CDK13: variants seen among roughly 807,000 people sequenced by gnomAD.
CDK13 encodes cyclin-dependent kinase 13.
A neutral mutation model predicts 137.6 loss-of-function variants in CDK13; 40 were observed. The ratio of observed to expected loss-of-function variants is 0.29; its 90% CI spans 0.23 to 0.38. CDK13 has a LOEUF of 0.38. Ranked by LOEUF, CDK13 falls within the 10% of genes least tolerant of loss-of-function variation. The pLI, the probability that CDK13 is intolerant of heterozygous loss-of-function variation, is 1.00. For missense variants in CDK13, 1,704 were observed against 1,951.8 expected (o/e 0.87, Z 2.39); for synonymous variants, 869 against 760.1 (o/e 1.14, Z -2.36).
intron 1 of CDK13, among the ~76,000 whole-genome samples, chr7:39,978,568 A>G (rs1157918192): frequency 6.6e-6 from 1 of 152,226 alleles, no homozygotes; most frequent in Non-Finnish European, 1.5e-5. Context: ...AGATTTGAGT[A>G]ATTTATTCCT....
At chr7:39,962,135 C>T (rs930890582) in intron 1 of CDK13, among the ~76,000 whole-genome samples, 2 of 152,190 alleles carry the variant, frequency 1.3e-5, no homozygotes, top group Non-Finnish European at 2.9e-5. Context: ...GATTTATAAT[C>T]CTTTGGGTAC....
chr7:40,031,397 C>T (rs1052633424), intron 5 of CDK13, among the ~76,000 whole-genome samples: 21 of 152,020 alleles, frequency 1.4e-4, no homozygotes, highest in Admixed American at 6.6e-5. Flanking sequence ...TGGCACGTGC[C>T]TGCAGACCCC....
intron 2 of CDK13, among the ~76,000 whole-genome samples, chr7:39,994,504 A>C (rs1469284844): frequency 6.6e-6 from 1 of 152,116 alleles, no homozygotes; most frequent in Non-Finnish European, 1.5e-5. Flanking sequence ...TGGCTCCCAA[A>C]CTCAAATTTC....
intron 1 of CDK13, among the ~76,000 whole-genome samples, chr7:39,973,365 A>G (rs1352224800): frequency 2.0e-5 from 3 of 152,102 alleles, no homozygotes; most frequent in East Asian, 1.9e-4. Flanking sequence ...CTCAAACTCA[A>G]GCTCAAGCAA....
chr7:40,082,964 G>A (rs551571108), intron 11 of CDK13, among the ~76,000 whole-genome samples: 2 of 151,770 alleles, frequency 1.3e-5, no homozygotes, highest in Admixed American at 6.6e-5. Flanking sequence ...TTAGCCAGGC[G>A]TGGTGGCACA....
At chr7:39,993,087 C>A (rs1784497474) in intron 2 of CDK13, among the ~76,000 whole-genome samples, 1 of 152,164 alleles carries the variant, frequency 6.6e-6, no homozygotes, top group Non-Finnish European at 1.5e-5. Context: ...TTCCCAACAA[C>A]CTATCACCTA....
intron 1 of CDK13, among the ~76,000 whole-genome samples, chr7:39,953,549 C>A (rs985210500): frequency 6.6e-6 from 1 of 151,970 alleles, no homozygotes; most frequent in Admixed American, 6.6e-5. Flanking sequence ...AATATATAAT[C>A]GTGGTATGTA....
chr7:40,059,149 C>G (rs191145508), intron 7 of CDK13: 3 of 152,228 alleles, frequency 2.0e-5, no homozygotes, highest in Admixed American at 1.3e-4. Context: ...CTTCAAGGAT[C>G]TAGGATTTTG....
chr7:39,952,011 GC>G (rs774592365), intron 1 of CDK13, 159 bp downstream of exon 1: 17 of 701,920 alleles, frequency 2.4e-5, no homozygotes, highest in Non-Finnish European at 3.2e-5. Flanking sequence ...GTTTTCGCGC[GC>G]GTGACACTTT....
chr7:40,006,834 C>T (rs1784804763), intron 5 of CDK13, among the ~76,000 whole-genome samples: 1 of 152,060 alleles, frequency 6.6e-6, no homozygotes, highest in South Asian at 2.1e-4. Flanking sequence ...AAACTCGAGT[C>T]ATTGATCTTT....
chr7:40,093,568 T>TG (rs1387873914), intron 13 of CDK13, among the ~76,000 whole-genome samples: 3 of 152,110 alleles, frequency 2.0e-5, no homozygotes, highest in Non-Finnish European at 4.4e-5. Context: ...CCTCAAGCAA[T>TG]GAAGTATACG....
intron 5 of CDK13, among the ~76,000 whole-genome samples, chr7:40,034,319 T>C (rs1327082236): frequency 6.6e-6 from 1 of 152,224 alleles, no homozygotes; most frequent in Admixed American, 6.5e-5. Flanking sequence ...TGGTTTGCCC[T>C]GTGACTCCAA....
Position 40,088,284 on chromosome 7 carries a change from T to C in CDK13, c.3188T>C (p.Leu1063Pro), listed in dbSNP as rs1786836965. 2 of 1,613,982 alleles carry C rather than the reference T, an allele frequency of 1.2e-6. No homozygotes were observed. Among genetic ancestry groups the C allele is most frequent in the East Asian group, 2.2e-5 (1 of 44,878 alleles). Reference sequence around the variant, plus strand: ...AGAACCAACACACCCCAGGGTGTGCTGCCATCTTCACAGCTGAAATCTCAG... The same window carrying C: ...AGAACCAACACACCCCAGGGTGTGCCGCCATCTTCACAGCTGAAATCTCAG... ...DSRTNTPQGV[L>P]PSSQLKSQGS... Residue 1063 changes from leucine (L) to proline (P), a missense_variant, in exon 12 of 14, where the codon CTG becomes CCG. By Grantham distance (98) the Leu-to-Pro change is moderately conservative. Coordinates refer to ENST00000181839, the MANE Select transcript of CDK13 (RefSeq NM_003718.5).
intron 5 of CDK13, among the ~76,000 whole-genome samples, chr7:40,038,764 T>C (rs1785539929): frequency 6.6e-6 from 1 of 151,910 alleles, no homozygotes; most frequent in Non-Finnish European, 1.5e-5. Context: ...GGCATGATCT[T>C]GGCTTACCGC....
intron 9 of CDK13, among the ~76,000 whole-genome samples, chr7:40,064,351 A>G (rs1786229291): frequency 6.6e-6 from 1 of 151,916 alleles, no homozygotes; most frequent in South Asian, 2.1e-4. Context: ...CGTGCAACTT[A>G]TAAAATTTCC....
rs760065165 is a variant in CDK13 at position 40,094,405 on chromosome 7, G to A, written c.3964G>A (p.Asp1322Asn). Residue 1322 changes from aspartate to asparagine, a missense_variant, in exon 14 of 14, where the codon GAT becomes AAT. Asp to Asn is a conservative substitution (Grantham distance 23). Coordinates refer to ENST00000181839, the MANE Select transcript of CDK13 (RefSeq NM_003718.5). ...TGACCCCAAAAGAGAAGGTGGGATT[G>A]ATTATCAAGCAGGAGACACTTACGT... Reference protein sequence around the residue: ...QDDPKREGGIDYQAGDTYVST... With the variant: ...QDDPKREGGINYQAGDTYVST... 15 of 1,613,922 alleles carry A rather than the reference G, an allele frequency of 9.3e-6. No homozygotes were observed. The highest frequency in any genetic ancestry group is 1.7e-5 in the Admixed American group (1 of 59,976).
intron 5 of CDK13, among the ~76,000 whole-genome samples, chr7:40,002,790 C>CA (rs1484712258): frequency 6.6e-6 from 1 of 151,490 alleles, no homozygotes; most frequent in Non-Finnish European, 1.5e-5. Flanking sequence ...ATAAAGCAGA[C>CA]ACAGTGTCTC....
chr7:40,066,650 A>G (rs527759066), intron 9 of CDK13: 1 of 152,330 alleles, frequency 6.6e-6, no homozygotes, highest in East Asian at 1.9e-4. Flanking sequence ...TAAAAATCCA[A>G]GATGTGGTAT....
At chr7:40,081,501 TC>T (rs1786662461) in intron 11 of CDK13, among the ~76,000 whole-genome samples, 1 of 152,210 alleles carries the variant, frequency 6.6e-6, no homozygotes, top group Non-Finnish European at 1.5e-5. Flanking sequence ...CTTATGTTAC[TC>T]CCGTAGGCTT....
Sources: gnomAD v4.1 joint callset for allele counts (sites outside exome capture counted in the v4.1 genomes callset) on GRCh38, gnomAD v4.1.1 for gene constraint, MANE v1.5 for transcripts, NCBI Gene and HGNC (gene_info 2026-07-23, HGNC 2026-07-21) for gene names.